Variants in TNNI3K observed in about 807,000 individuals in gnomAD.
TNNI3K encodes serine/threonine-protein kinase TNNI3K.
A neutral mutation model predicts 114.5 loss-of-function variants in TNNI3K; 140 were observed. The observed-to-expected ratio is 1.22, with a 90% CI of 1.07 to 1.41. The LOEUF (loss-of-function observed/expected upper bound fraction) is 1.41, where lower values mean the gene tolerates loss of function less well. Among genes scored for constraint, TNNI3K ranks in the 40% most tolerant of loss-of-function variants. TNNI3K has a pLI of 0.00. For missense variants in TNNI3K, 1,125 were observed against 1,007.6 expected, an observed-to-expected ratio of 1.12 and a Z score of -1.58; for synonymous variants, 347 against 347.5, an observed-to-expected ratio of 1.00 and a Z score of 0.02.
At chr1:74,268,083 G>A (rs532938696) in intron 4 of TNNI3K, among the ~76,000 whole-genome samples, 4 of 151,992 alleles carry the variant, frequency 2.6e-5, no homozygotes, top group Middle Eastern at 3.4e-3. Flanking sequence ...AGTTATTTAT[G>A]TATTAAATAT....
intron 21 of TNNI3K, chr1:74,471,973 T>A: frequency 1.6e-6 from 1 of 624,434 alleles, no homozygotes; most frequent in Admixed American, 2.8e-5. Flanking sequence ...ATCATCATAT[T>A]TTGATCTATT....
intron 23 of TNNI3K, among the ~76,000 whole-genome samples, chr1:74,533,680 A>T (rs902003625): frequency 3.9e-5 from 6 of 151,978 alleles, no homozygotes; most frequent in African/African-American, 1.5e-4. Context: ...CAACAATGAT[A>T]GACTGGATTA....
chr1:74,444,243 T>C (rs567139965), intron 20 of TNNI3K, among the ~76,000 whole-genome samples: 9 of 152,300 alleles, frequency 5.9e-5, no homozygotes, highest in African/African-American at 2.2e-4. Flanking sequence ...GATGACATGA[T>C]TCTATGTCAA....
rs75894201 is a variant in TNNI3K, at chr1:74,474,136, G to A, written c.2121+10586G>A. On this transcript the variant is annotated intron_variant, in intron 21 of 24. Transcript: ENST00000326637. ...GAAAACAACAGACTGGGTTTTAAAT[G>A]GTTAAAAGAGCACATCCCCTTCAGT... 8.4e-3 allele frequency among the ~76,000 whole-genome samples: 1,278 copies of A among 152,202 alleles called. 18 individuals are homozygous for A. Among genetic ancestry groups the A allele is most frequent in the African/African-American group, 0.03 (1,225 of 41,518 alleles).
rs142022532 is a variant in TNNI3K at position 74,308,689 on chromosome 1, A to C, written c.445-22761A>C. ...ACTAAATTATATTGAGACCAAAACA[A>C]TATACAAATAATCAATGAAATGAAA... On this transcript the variant is annotated intron_variant, in intron 5 of 24. Coordinates refer to ENST00000326637, the MANE Select transcript of TNNI3K (RefSeq NM_015978.3). Among the ~76,000 whole-genome samples the C allele has an allele frequency of 1.8e-3, 268 of 152,292 alleles. 1 individual carries two copies. The highest frequency in any genetic ancestry group is 2.9e-3 in the Non-Finnish European group (197 of 68,020).
At chr1:74,327,151 G>A (rs1413211470) in intron 5 of TNNI3K, among the ~76,000 whole-genome samples, 2 of 151,398 alleles carry the variant, frequency 1.3e-5, no homozygotes, top group East Asian at 1.9e-4. Context: ...CTAGAAACTG[G>A]AGGAACTTCA....
intron 17 of TNNI3K, among the ~76,000 whole-genome samples, chr1:74,415,523 T>C (rs1665073618): frequency 6.6e-6 from 1 of 152,172 alleles, no homozygotes; most frequent in African/African-American, 2.4e-5. Flanking sequence ...GTTTATTTGG[T>C]AAATCTTTCT....
intron 1 of TNNI3K, 98 bp from the exon 2 acceptor site, chr1:74,236,004 A>T: frequency 1.3e-6 from 1 of 784,322 alleles, no homozygotes; most frequent in Non-Finnish European, 2.0e-6. Context: ...TGTAGAATCT[A>T]GAATAAAAAA....
At position 74,291,097 on chromosome 1, in the gene TNNI3K, C is replaced by T. The variant is rs140387104; in HGVS notation, c.444+19389C>T. On this transcript the variant is annotated intron_variant, in intron 5 of 24. Transcript: ENST00000326637. ...GTTTAAGAAGTAATTTCTAGTTCCC[C>T]GGAGAATCTTCATGAGAACTTCTGA... Among the ~76,000 whole-genome samples the T allele has an allele frequency of 1.8e-4, 28 of 151,602 alleles. 1 individual carries two copies. Among genetic ancestry groups the T allele is most frequent in the East Asian group, 1.7e-3 (9 of 5,182 alleles).
At chr1:74,301,590 T>C (rs1658334582) in intron 5 of TNNI3K, among the ~76,000 whole-genome samples, 3 of 152,192 alleles carry the variant, frequency 2.0e-5, no homozygotes, top group South Asian at 4.2e-4. Flanking sequence ...TTGCAGAGAA[T>C]TGATCCATTG....
intron 11 of TNNI3K, among the ~76,000 whole-genome samples, chr1:74,362,738 AG>A (rs1406542116): frequency 2.0e-5 from 3 of 152,148 alleles, no homozygotes; most frequent in African/African-American, 7.2e-5. Flanking sequence ...GAAAGTTGAA[AG>A]CAAAGAGGAT....
chr1:74,277,584 C>CA (rs1656760952), intron 5 of TNNI3K, among the ~76,000 whole-genome samples: 1 of 152,178 alleles, frequency 6.6e-6, no homozygotes, highest in Non-Finnish European at 1.5e-5. Context: ...ACAACACACA[C>CA]ACACCTCAAG....
intron 17 of TNNI3K, chr1:74,418,494 C>A (rs1665240956): frequency 6.5e-6 from 1 of 154,362 alleles, no homozygotes; most frequent in Middle Eastern, 3.3e-3. Context: ...TACTGGATTT[C>A]AAAAGCATTG....
intron 17 of TNNI3K, among the ~76,000 whole-genome samples, chr1:74,415,436 T>G (rs947006471): frequency 2.6e-5 from 4 of 152,246 alleles, no homozygotes; most frequent in Non-Finnish European, 4.4e-5. Flanking sequence ...TTTTGTTCAC[T>G]GCTACAGCTA....
intron 4 of TNNI3K, among the ~76,000 whole-genome samples, chr1:74,254,157 C>G (rs1655132049): frequency 6.6e-6 from 1 of 152,118 alleles, no homozygotes; most frequent in Non-Finnish European, 1.5e-5. Context: ...TGTCCCATTT[C>G]CATTATTTTT....
intron 17 of TNNI3K, chr1:74,375,363 A>G (rs917068574): frequency 8.0e-6 from 2 of 249,130 alleles, no homozygotes; most frequent in Admixed American, 4.3e-5. Context: ...CTAAGACAAT[A>G]ATAGCCCTTT....
At chr1:74,460,576 C>T (rs1667415930) in intron 20 of TNNI3K, among the ~76,000 whole-genome samples, 2 of 152,172 alleles carry the variant, frequency 1.3e-5, no homozygotes, top group African/African-American at 4.8e-5. Flanking sequence ...TTTTTTGTAG[C>T]AATCAAGGTA....
intron 23 of TNNI3K, among the ~76,000 whole-genome samples, chr1:74,523,826 C>A (rs1319932835): frequency 6.6e-6 from 1 of 152,192 alleles, no homozygotes; most frequent in African/African-American, 2.4e-5. Flanking sequence ...GCAGAACGTG[C>A]AGGTTTGTTA....
chr1:74,510,188 A>G (rs1436406045), intron 23 of TNNI3K, among the ~76,000 whole-genome samples: 1 of 152,144 alleles, frequency 6.6e-6, no homozygotes, highest in African/African-American at 2.4e-5. Context: ...TCAGTAGTAG[A>G]GAGGGCAATC....
Sources: allele counts gnomAD v4.1 joint callset (sites outside exome capture counted in the v4.1 genomes callset), GRCh38; gene constraint gnomAD v4.1.1; transcripts MANE v1.5; gene names NCBI Gene and HGNC (gene_info 2026-07-23, HGNC 2026-07-21).